The following GPHN variants were observed in gnomAD, a reference collection of about 807,000 sequenced individuals.
GPHN encodes the protein gephyrin.
GPHN carries 17 observed loss-of-function variants against 95.5 expected under a neutral mutation model. The ratio of observed to expected loss-of-function variants is 0.18; its 90% CI spans 0.12 to 0.27. The LOEUF is 0.27. Ranked by LOEUF, GPHN falls within the 10% of genes least tolerant of loss-of-function variation. GPHN has a pLI of 1.00. For synonymous variants in GPHN, 320 were observed against 322.5 expected (o/e 0.99, Z 0.08); for missense variants, 660 against 978.1 (o/e 0.67, Z 4.34).
chr14:67,605,405 G>A, the GPHN span, among the ~76,000 whole-genome samples: 5 of 152,050 alleles, frequency 3.3e-5, no homozygotes, highest in African/African-American at 1.2e-4. Context: ...ACCCAGGCTA[G>A]AGTCCATTGG....
At chr14:67,284,864 A>G in the GPHN span, among the ~76,000 whole-genome samples, 4 of 152,098 alleles carry the variant, frequency 2.6e-5, no homozygotes, top group African/African-American at 9.7e-5. Flanking sequence ...TCCACTGTAC[A>G]AATATACCAC....
intron 21 of GPHN, among the ~76,000 whole-genome samples, chr14:67,177,445 G>A (rs7152217): frequency 0.3 from 45,750 of 152,094 alleles, 10,684 homozygotes; most frequent in African/African-American, 0.63. Context: ...CTGAGAGACA[G>A]TTTGTTGTGA....
At chr14:66,540,994 G>T (rs1387914542) in intron 1 of GPHN, among the ~76,000 whole-genome samples, 1 of 151,006 alleles carries the variant, frequency 6.6e-6, no homozygotes, top group Non-Finnish European at 1.5e-5. Context: ...GTCACCCAGG[G>T]TGGAGTGCAG....
At chr14:67,352,937 T>G in the GPHN span, 1 of 1,608,300 alleles carries the variant, frequency 6.2e-7, no homozygotes, top group Admixed American at 1.7e-5. Flanking sequence ...ATTATCTTCT[T>G]TAGGATCTGT....
intron 2 of GPHN, among the ~76,000 whole-genome samples, chr14:66,725,724 T>C (rs1187435693): frequency 6.6e-6 from 1 of 152,224 alleles, no homozygotes; most frequent in Non-Finnish European, 1.5e-5. Context: ...AGTTGCCCCC[T>C]TCCTATGAAA....
chr14:66,528,195 T>A (rs757353842), intron 1 of GPHN, among the ~76,000 whole-genome samples: 5 of 152,236 alleles, frequency 3.3e-5, no homozygotes, highest in Non-Finnish European at 7.3e-5. Context: ...TTCTTTTGCA[T>A]TGATCCCTTT....
chr14:67,066,825 T>G (rs1429237136), intron 11 of GPHN, among the ~76,000 whole-genome samples: 1 of 152,188 alleles, frequency 6.6e-6, no homozygotes, highest in Non-Finnish European at 1.5e-5. Flanking sequence ...CATTAGCCAT[T>G]CGTCTAACCT....
intron 3 of GPHN, among the ~76,000 whole-genome samples, chr14:66,794,364 G>A (rs527867190): frequency 6.6e-6 from 1 of 152,082 alleles, no homozygotes; most frequent in African/African-American, 2.4e-5. Flanking sequence ...TAAGTTTCCT[G>A]AGGCCTCCCC....
At chr14:67,151,500 T>C (rs1171209570) in intron 18 of GPHN, among the ~76,000 whole-genome samples, 3 of 152,234 alleles carry the variant, frequency 2.0e-5, no homozygotes, top group Non-Finnish European at 1.5e-5. Flanking sequence ...CAATACCTTA[T>C]TGGCCGTGTG....
chr14:67,722,190 C>T, the GPHN span, among the ~76,000 whole-genome samples: 1 of 152,140 alleles, frequency 6.6e-6, no homozygotes, highest in Non-Finnish European at 1.5e-5. Context: ...CCTTCCCATC[C>T]TATTTTAATC....
chr14:66,577,917 TAGAC>T (rs768364020), intron 1 of GPHN, among the ~76,000 whole-genome samples: 2 of 152,008 alleles, frequency 1.3e-5, no homozygotes, highest in Non-Finnish European at 2.9e-5. Flanking sequence ...AATCCTATTT[TAGAC>T]AGAGGACTGA....
At chr14:67,060,266 A>G (rs181227813) in intron 11 of GPHN, among the ~76,000 whole-genome samples, 1 of 150,700 alleles carries the variant, frequency 6.6e-6, no homozygotes, top group East Asian at 1.9e-4. Context: ...AAATGCTGTC[A>G]TATGTATTCT....
the GPHN span, among the ~76,000 whole-genome samples, chr14:67,604,709 A>C: frequency 1.6e-5 from 2 of 126,368 alleles, no homozygotes; most frequent in African/African-American, 6.0e-5. Context: ...AAAAACAAAC[A>C]AAACAACAAC....
intron 2 of GPHN, among the ~76,000 whole-genome samples, chr14:66,733,251 T>C (rs1413322336): frequency 6.6e-6 from 1 of 151,952 alleles, no homozygotes; most frequent in African/African-American, 2.4e-5. Context: ...TCCACCATGA[T>C]TGTAAGTTTC....
At chr14:67,585,690 T>C in the GPHN span, 2 of 1,399,552 alleles carry the variant, frequency 1.4e-6, no homozygotes, top group Non-Finnish European at 2.0e-6. Context: ...TGACCCCTCC[T>C]CTTCCTCAAC....
intron 5 of GPHN, among the ~76,000 whole-genome samples, chr14:66,908,883 A>G (rs764167574): frequency 2.1e-4 from 32 of 152,002 alleles, no homozygotes; most frequent in Non-Finnish European, 4.0e-4. Context: ...TACCAAAGCT[A>G]TCAAGGTCAT....
At chr14:66,874,957 C>G (rs939239582) in intron 4 of GPHN, among the ~76,000 whole-genome samples, 10 of 152,122 alleles carry the variant, frequency 6.6e-5, no homozygotes, top group African/African-American at 2.4e-4. Context: ...ACATAATCAT[C>G]AGATTCACCA....
At chr14:66,849,640 T>C (rs2062494601) in intron 4 of GPHN, among the ~76,000 whole-genome samples, 1 of 152,092 alleles carries the variant, frequency 6.6e-6, no homozygotes, top group South Asian at 2.1e-4. Flanking sequence ...TGTATTTTTA[T>C]TGGCATATTG....
chr14:67,601,043 C>T, the GPHN span, among the ~76,000 whole-genome samples: 1 of 152,244 alleles, frequency 6.6e-6, no homozygotes, highest in South Asian at 2.1e-4. Flanking sequence ...ATGACAGTCT[C>T]TGCCCTCGGG....
Sources: gnomAD v4.1 joint callset for allele counts (sites outside exome capture counted in the v4.1 genomes callset) on GRCh38, gnomAD v4.1.1 for gene constraint, MANE v1.5 for transcripts, NCBI Gene and HGNC (gene_info 2026-07-23, HGNC 2026-07-21) for gene names.